MAST4: variants seen among roughly 807,000 people sequenced by gnomAD.
MAST4 encodes microtubule-associated serine/threonine-protein kinase 4.
MAST4 carries 89 observed loss-of-function variants against 162.7 expected under a neutral mutation model. The observed-to-expected ratio is 0.55, with a 90% CI of 0.46 to 0.65. The LOEUF is 0.65. MAST4 is among the 30% of genes least tolerant of loss of function. The pLI is 0.00. For missense variants in MAST4, 3,153 were observed against 3,374.0 expected (o/e 0.93, Z 1.62); for synonymous variants, 1,479 against 1,361.1 (o/e 1.09, Z -1.91).
intron 2 of MAST4, 63 bp from the exon 3 acceptor site, chr5:66,788,607 C>CCAAGCAAAAAAAAAACAA: frequency 5.1e-6 from 7 of 1,373,718 alleles, no homozygotes; most frequent in African/African-American, 2.9e-5. Flanking sequence ...CCCCCACCCC[C>CCAAGCAAAAAAAAAACAA]ATTGCAATAA....
intron 1 of MAST4, among the ~76,000 whole-genome samples, chr5:66,600,249 G>T (rs1305022483): frequency 3.3e-4 from 50 of 152,284 alleles, no homozygotes; most frequent in Non-Finnish European, 2.9e-5. Flanking sequence ...TTTTGTTTAA[G>T]GAAACTGTAT....
chr5:66,669,175 T>C (rs181860227), intron 1 of MAST4, among the ~76,000 whole-genome samples: 38 of 152,282 alleles, frequency 2.5e-4, no homozygotes, highest in Non-Finnish European at 4.4e-5. Flanking sequence ...GGCTTAGTTT[T>C]CAGGGAAGCT....
intron 1 of MAST4, among the ~76,000 whole-genome samples, chr5:66,720,144 G>C (rs747945402): frequency 2.7e-5 from 4 of 147,782 alleles, no homozygotes; most frequent in Non-Finnish European, 5.9e-5. Flanking sequence ...TTTAATATGA[G>C]TTTATTAAAA....
At chr5:67,149,806 T>A (rs948268816) in intron 24 of MAST4, among the ~76,000 whole-genome samples, 2 of 152,210 alleles carry the variant, frequency 1.3e-5, no homozygotes, top group African/African-American at 4.8e-5. Flanking sequence ...TTCATCTCAC[T>A]TTCTGCATCA....
At chr5:67,050,616 A>C (rs1758055305) in intron 4 of MAST4, among the ~76,000 whole-genome samples, 1 of 152,188 alleles carries the variant, frequency 6.6e-6, no homozygotes, top group South Asian at 2.1e-4. Flanking sequence ...CAGATAAATG[A>C]AGTAAAAATA....
chr5:66,618,627 T>A (rs1217060209), intron 1 of MAST4, among the ~76,000 whole-genome samples: 1 of 152,066 alleles, frequency 6.6e-6, no homozygotes, highest in African/African-American at 2.4e-5. Context: ...ACAGACACGC[T>A]GGTTTAAAAG....
At chr5:67,052,763 A>G (rs1758345049) in intron 4 of MAST4, among the ~76,000 whole-genome samples, 1 of 152,176 alleles carries the variant, frequency 6.6e-6, no homozygotes, top group Non-Finnish European at 1.5e-5. Flanking sequence ...AGCCATTTTT[A>G]TAATAACCTG....
At chr5:66,983,671 G>A (rs887413457) in intron 4 of MAST4, among the ~76,000 whole-genome samples, 8 of 152,162 alleles carry the variant, frequency 5.3e-5, no homozygotes, top group African/African-American at 9.7e-5. Flanking sequence ...GGGGAATGGG[G>A]AGGGATTAGA....
chr5:67,121,580 G>A (rs532943982), intron 14 of MAST4, among the ~76,000 whole-genome samples: 46 of 151,570 alleles, frequency 3.0e-4, no homozygotes, highest in Non-Finnish European at 6.0e-4. Context: ...TTTAGAGCAG[G>A]AGTGTCCAGT....
chr5:66,842,299 A>AT (rs1758482839), intron 3 of MAST4, among the ~76,000 whole-genome samples: 1 of 152,194 alleles, frequency 6.6e-6, no homozygotes, highest in Non-Finnish European at 1.5e-5. Flanking sequence ...GCATGTCTCT[A>AT]TTAATCAATG....
At chr5:67,082,451 G>C (rs1762781194) in intron 5 of MAST4, among the ~76,000 whole-genome samples, 2 of 152,126 alleles carry the variant, frequency 1.3e-5, no homozygotes, top group East Asian at 3.9e-4. Context: ...GTCTTTAAAA[G>C]TGTCAAGGGC....
At chr5:66,788,481 C>A (rs1336188857) in intron 2 of MAST4, among the ~76,000 whole-genome samples, 189 bp from the exon 3 acceptor site, 2 of 152,110 alleles carry the variant, frequency 1.3e-5, no homozygotes, top group African/African-American at 2.4e-5. Flanking sequence ...AGGGCCAGAC[C>A]CTGCCACTGG....
chr5:67,148,878 C>T (rs141633834), intron 23 of MAST4, among the ~76,000 whole-genome samples: 23 of 152,188 alleles, frequency 1.5e-4, no homozygotes, highest in Non-Finnish European at 2.9e-4. Context: ...ACAGCACAGA[C>T]GTAAGTCTAC....
chr5:66,907,047 C>A (rs1254347233), intron 4 of MAST4, among the ~76,000 whole-genome samples: 1 of 151,836 alleles, frequency 6.6e-6, no homozygotes, highest in Non-Finnish European at 1.5e-5. Context: ...CTTAGTTCAA[C>A]TAAAACTCGG....
intron 1 of MAST4, among the ~76,000 whole-genome samples, chr5:66,606,629 C>G (rs16895291): frequency 0.02 from 2,998 of 152,268 alleles, 98 homozygotes; most frequent in African/African-American, 0.068. Context: ...GTAGTACTTA[C>G]AGTTTGCACA....
At chr5:67,075,152 T>C (rs1231057927) in intron 5 of MAST4, among the ~76,000 whole-genome samples, 1 of 147,468 alleles carries the variant, frequency 6.8e-6, no homozygotes, top group African/African-American at 2.6e-5. Context: ...TGAATGAAGA[T>C]TGGAATGAGT....
intron 4 of MAST4, chr5:67,001,696 GA>G (rs1751317272): frequency 6.6e-6 from 1 of 152,096 alleles, no homozygotes; most frequent in Non-Finnish European, 1.5e-5. Flanking sequence ...GGCTTTTCTA[GA>G]AAAACTATAG....
intron 1 of MAST4, among the ~76,000 whole-genome samples, chr5:66,739,053 CTTT>C (rs536080605): frequency 2.1e-3 from 320 of 151,972 alleles, no homozygotes; most frequent in Middle Eastern, 0.01. Context: ...ATGAAGAGTG[CTTT>C]ATTATCAAGC....
intron 2 of MAST4, among the ~76,000 whole-genome samples, chr5:66,772,423 G>A (rs187849981): frequency 6.6e-6 from 1 of 152,266 alleles, no homozygotes; most frequent in East Asian, 1.9e-4. Context: ...GGGTTCCAAA[G>A]TATAAAAGGC....
Sources: allele counts gnomAD v4.1 joint callset (sites outside exome capture counted in the v4.1 genomes callset), GRCh38; gene constraint gnomAD v4.1.1; transcripts MANE v1.5; gene names NCBI Gene and HGNC (gene_info 2026-07-23, HGNC 2026-07-21).